Variants in HIP1 observed in about 807,000 individuals in gnomAD.
HIP1 encodes huntingtin-interacting protein 1.
In HIP1, 65 loss-of-function variants were observed where a neutral mutation model predicts 147.6. The observed-to-expected ratio is 0.44, with a 90% confidence interval of 0.36 to 0.54. HIP1 has a LOEUF of 0.54. HIP1 is among the 20% of genes least tolerant of loss of function. The pLI is 0.00. For missense variants in HIP1, 1,061 were observed against 1,299.6 expected (o/e 0.82, Z 2.82); for synonymous variants, 479 against 504.0 (o/e 0.95, Z 0.67).
intron 1 of HIP1, among the ~76,000 whole-genome samples, chr7:75,637,536 A>ATTTTTTTTTTTTTTTTT (rs869251770): frequency 1.4e-5 from 1 of 70,868 alleles, no homozygotes; most frequent in Non-Finnish European, 2.6e-5. Flanking sequence ...TGCAGAGAGG[A>ATTTTTTTTTTTTTTTTT]TTTTTTTTTT....
At chr7:75,560,093 A>C (rs1406045803) in intron 13 of HIP1, among the ~76,000 whole-genome samples, 178 bp from the exon 14 acceptor site, 1 of 152,028 alleles carries the variant, frequency 6.6e-6, no homozygotes, top group Non-Finnish European at 1.5e-5. Context: ...CAACAACAAT[A>C]ACAGGGGATG....
Position 75,553,573 on chromosome 7 carries a change from A to G in HIP1, c.2175T>C (p.Cys725=). The G allele has an allele frequency of 6.2e-7, 1 of 1,613,910 alleles. No individual in the cohort carries two copies. Among genetic ancestry groups the G allele is most frequent in the Non-Finnish European group, 8.5e-7 (1 of 1,179,930 alleles). The change falls in exon 22 of 31, where the codon TGT becomes TGC. Residue 725 remains cysteine (C), a synonymous_variant. Coordinates refer to ENST00000336926, the MANE Select transcript of HIP1 (RefSeq NM_005338.7). ...PEPADSLTEA[C]KQYGRETLAY... is the part of the protein sequence containing the mutation. ...CGAGGGTTTCCCTGCCATACTGCTT[A>G]CAGGCCTCGGTCAGTGCTGGAGATA... is the stretch of plus-strand genomic sequence containing the variant.
At chr7:75,730,973 GA>G (rs1188199323) in intron 1 of HIP1, among the ~76,000 whole-genome samples, 1 of 151,156 alleles carries the variant, frequency 6.6e-6, no homozygotes, top group Non-Finnish European at 1.5e-5. Flanking sequence ...GGCCTCAAGT[GA>G]TCCGCCCGCC....
In HIP1 at chr7:75,554,453, C is replaced by G; in HGVS notation, c.2037G>C (p.Leu679=). The change falls in exon 20 of 31, where the codon CTG becomes CTC. Residue 679 remains leucine, a synonymous_variant. Coordinates refer to ENST00000336926, the MANE Select transcript of HIP1 (RefSeq NM_005338.7). ...EQLEKSWSQY[L]ACPEDISGLL... ...GGCCATTCTTACCTTCTGGGCAGGCCAGATACTGGCTCCAGCTTTTCTCCA... is the reference window on the plus strand; with the variant it reads ...GGCCATTCTTACCTTCTGGGCAGGCGAGATACTGGCTCCAGCTTTTCTCCA... The G allele has an allele frequency of 6.2e-7, 1 of 1,613,716 alleles. No individual in the cohort carries two copies. Among genetic ancestry groups the G allele is most frequent in the Non-Finnish European group, 8.5e-7 (1 of 1,179,698 alleles).
intron 4 of HIP1, among the ~76,000 whole-genome samples, chr7:75,587,903 G>T (rs1349800943): frequency 6.6e-6 from 1 of 152,182 alleles, no homozygotes; most frequent in African/African-American, 2.4e-5. Context: ...AGTTGAGGCT[G>T]CAGTGAGCTG....
intron 28 of HIP1, among the ~76,000 whole-genome samples, chr7:75,542,345 A>ATTGC (rs1794354840): frequency 2.0e-5 from 3 of 150,790 alleles, no homozygotes; most frequent in Admixed American, 2.0e-4. Context: ...GCAGTGAGCC[A>ATTGC]AGATTGCGCC....
chr7:75,574,899 C>T (rs1246086921), intron 7 of HIP1, among the ~76,000 whole-genome samples: 1 of 152,184 alleles, frequency 6.6e-6, no homozygotes, highest in African/African-American at 2.4e-5. Flanking sequence ...GTGGCTCACG[C>T]CTGTAATCCC....
Position 75,611,931 on chromosome 7 carries a change from C to T in HIP1, c.121-12684G>A, listed in dbSNP as rs1242865032. 1.0e-5 allele frequency: 10 copies of T among 969,978 alleles called. No homozygotes were observed. In the Admixed American group the frequency reaches 1.8e-4, roughly 17 times the overall value. 60.1% of individuals were successfully genotyped at this position (969,978 alleles called of 1,614,324 possible). A position where few individuals can be genotyped will look rare whatever the true frequency, so the allele number is the denominator to read the frequency against. On this transcript the variant is annotated intron_variant, in intron 1 of 30. Transcript: ENST00000336926. ...CCATCCTCCGCTCGCCTGGGACAGC[C>T]CAGCCAGGCAGTGGCCAATGGGAAA...
Position 75,566,902 on chromosome 7 carries a change from A to G in HIP1, c.803+1297T>C, listed in dbSNP as rs782233035. Among the ~76,000 whole-genome samples, 20 of 151,426 alleles carry G rather than the reference A, an allele frequency of 1.3e-4. 2 individuals are homozygous for G. Among genetic ancestry groups the G allele is most frequent in the African/African-American group, 4.7e-4 (19 of 40,760 alleles). ...TTTGGGAGGCAGATCACTTGAGGTC[A>G]GGAGTTCCAGACCAGCCCGGCCAAC... On this transcript the variant is annotated intron_variant, in intron 9 of 30. Coordinates refer to ENST00000336926, the MANE Select transcript of HIP1 (RefSeq NM_005338.7).
chr7:75,563,122 C>T (rs782177219), intron 10 of HIP1, 47 bp from the exon 11 acceptor site: 6 of 1,613,908 alleles, frequency 3.7e-6, no homozygotes, highest in African/African-American at 2.7e-5. Flanking sequence ...TGCCAGGCCC[C>T]GCCGGCCCTT....
At chr7:75,730,511 G>A (rs549456486) in intron 1 of HIP1, among the ~76,000 whole-genome samples, 3 of 147,982 alleles carry the variant, frequency 2.0e-5, no homozygotes, top group African/African-American at 5.0e-5. Flanking sequence ...AGCTAATTTT[G>A]TATTTTTACC....
chr7:75,678,499 A>G (rs1799967360), intron 1 of HIP1, among the ~76,000 whole-genome samples: 1 of 151,978 alleles, frequency 6.6e-6, no homozygotes, highest in African/African-American at 2.4e-5. Context: ...GCCCGCCACC[A>G]CACCCGGCTA....
chr7:75,693,921 T>A (rs1487754328), intron 1 of HIP1, among the ~76,000 whole-genome samples: 1 of 139,094 alleles, frequency 7.2e-6, no homozygotes, highest in Non-Finnish European at 1.6e-5. Flanking sequence ...TCTCTTTTCT[T>A]TTTTTTTTTT....
chr7:75,655,580 CA>C (rs1243670098), intron 1 of HIP1, among the ~76,000 whole-genome samples: 15 of 121,652 alleles, frequency 1.2e-4, no homozygotes, highest in African/African-American at 1.5e-4. Flanking sequence ...AGCTCTGTCT[CA>C]AAAAAAAAAG....
intron 1 of HIP1, among the ~76,000 whole-genome samples, chr7:75,735,070 A>G (rs1163435727): frequency 1.3e-5 from 2 of 152,216 alleles, no homozygotes; most frequent in African/African-American, 4.8e-5. Context: ...ACAGTTTACA[A>G]AATGCCTTCA....
chr7:75,571,992 T>A (rs1188356664), intron 8 of HIP1, among the ~76,000 whole-genome samples: 1 of 152,102 alleles, frequency 6.6e-6, no homozygotes, highest in Non-Finnish European at 1.5e-5. Flanking sequence ...GGCGGATCAC[T>A]TGAGGCCAGG....
At chr7:75,538,661 G>A (rs959662741) in intron 30 of HIP1, among the ~76,000 whole-genome samples, 6 of 143,304 alleles carry the variant, frequency 4.2e-5, no homozygotes, top group East Asian at 2.2e-4. Flanking sequence ...TGCAAGCTCC[G>A]CCTCCCGGGT....
chr7:75,605,825 C>T (rs1324594437), intron 1 of HIP1, among the ~76,000 whole-genome samples: 7 of 152,068 alleles, frequency 4.6e-5, no homozygotes, highest in South Asian at 4.2e-4. Flanking sequence ...TGAGCTACCG[C>T]GCCTGGCTGT....
At chr7:75,637,814 T>C (rs1798478752) in intron 1 of HIP1, among the ~76,000 whole-genome samples, 1 of 151,808 alleles carries the variant, frequency 6.6e-6, no homozygotes. Context: ...CCCATCCCAT[T>C]GTCTCCTAGC....
Sources: allele counts gnomAD v4.1 joint callset (sites outside exome capture counted in the v4.1 genomes callset), GRCh38; gene constraint gnomAD v4.1.1; transcripts MANE v1.5; gene names NCBI Gene and HGNC (gene_info 2026-07-23, HGNC 2026-07-21).